Variants in NSDHL observed in about 807,000 individuals in gnomAD.
NSDHL encodes the protein NAD(P) dependent 3-beta-hydroxysteroid dehydrogenase NSDHL, also known as sterol-4-alpha-carboxylate 3-dehydrogenase, decarboxylating.
In NSDHL, 1 loss-of-function variant was observed where a neutral mutation model predicts 23.0. That is an observed-to-expected ratio of 0.04 (90% CI 0.02 to 0.21). NSDHL has a LOEUF of 0.21. Among genes scored for constraint, NSDHL ranks in the 10% least tolerant of loss-of-function variants. The pLI, the probability that NSDHL is intolerant of heterozygous loss-of-function variation, is 1.00. For synonymous variants in NSDHL, 128 were observed against 121.1 expected (o/e 1.06, Z -0.37); for missense variants, 237 against 300.9 (o/e 0.79, Z 1.57).
Position 152,867,393 on chromosome X carries a change from G to A in NSDHL, c.687-178G>A, listed in dbSNP as rs185829755. 5.4e-4 allele frequency among the ~76,000 whole-genome samples: 61 copies of A among 112,234 alleles called. 1 individual carries two copies. In the East Asian group the frequency reaches 0.015, roughly 28 times the overall value. On this transcript the variant is annotated intron_variant, in intron 6 of 7. Transcript: ENST00000370274. The stretch of plus-strand genomic sequence containing the variant: ...CTAACCCTGAAGACCCAGGAGTCCC[G>A]GCCCAGTGTACATCTTTAACCAGTA...
intron 3 of NSDHL, 101 bp from the exon 4 acceptor site, chrX:152,858,664 TATAAG>T: frequency 3.1e-6 from 2 of 640,926 alleles, no homozygotes; most frequent in Non-Finnish European, 2.6e-6. Flanking sequence ...ATTATAGAAT[TATAAG>T]ACAAGGAACC....
intron 1 of NSDHL, among the ~76,000 whole-genome samples, chrX:152,841,016 G>T (rs1268234260): frequency 8.9e-6 from 1 of 112,807 alleles, no homozygotes; most frequent in Non-Finnish European, 1.9e-5. Flanking sequence ...AGCAATGGCG[G>T]ACGCCCCTCC....
At chrX:152,865,730 C>T (rs782238762) in intron 5 of NSDHL, 89 bp from the exon 6 acceptor site, 219 of 1,085,016 alleles carry the variant, frequency 2.0e-4, no homozygotes, top group African/African-American at 3.8e-4. Context: ...CTGTCCCCCA[C>T]GAGTGGTGCT....
At chrX:152,860,844 T>C (rs149239419) in intron 4 of NSDHL, among the ~76,000 whole-genome samples, 1,625 of 112,643 alleles carry the variant, frequency 0.014, 22 homozygotes, top group African/African-American at 0.049. Flanking sequence ...TGCTCTCTTC[T>C]TGTAGCCATG....
chrX:152,854,844 A>AC (rs782087073), intron 3 of NSDHL, among the ~76,000 whole-genome samples: 1,309 of 105,666 alleles, frequency 0.012, 16 homozygotes, highest in African/African-American at 0.042. Context: ...ACATAACAAG[A>AC]CCCCCCCCAT....
chrX:152,864,885 C>G (rs1203061170), intron 5 of NSDHL, among the ~76,000 whole-genome samples: 8 of 111,705 alleles, frequency 7.2e-5, no homozygotes, highest in African/African-American at 2.6e-4. Flanking sequence ...GGGGCCAAAA[C>G]ATAGACCAGC....
intron 6 of NSDHL, among the ~76,000 whole-genome samples, chrX:152,866,618 CCATCCTTAGCATTCTGTGCTTGGAGAGG>C (rs368008684): frequency 0.054 from 6,065 of 112,755 alleles, 130 homozygotes; most frequent in South Asian, 0.12. Flanking sequence ...TGGCTTCCAG[CCATCCTTAGCATTCTGTGCTTGGAGAGG>C]CATCACTCCT....
At chrX:152,833,924 C>G (rs1367300052) in intron 1 of NSDHL, among the ~76,000 whole-genome samples, 1 of 112,615 alleles carries the variant, frequency 8.9e-6, no homozygotes, top group African/African-American at 3.2e-5. Context: ...TGAGGTGACA[C>G]CTGGGGGTTC....
chrX:152,851,004 A>G (rs1556846216), intron 3 of NSDHL, among the ~76,000 whole-genome samples: 1 of 112,174 alleles, frequency 8.9e-6, no homozygotes, highest in East Asian at 2.8e-4. Context: ...GACATTTCAT[A>G]TAAATGGAAT....
chrX:152,865,758 C>T, intron 5 of NSDHL, 61 bp from the exon 6 acceptor site: 1 of 1,195,237 alleles, frequency 8.4e-7, no homozygotes, highest in Non-Finnish European at 1.1e-6. Flanking sequence ...CAGCGAGGCA[C>T]TCTCTTGGCT....
At chrX:152,856,313 A>ATGTAACT (rs1345109946) in intron 3 of NSDHL, among the ~76,000 whole-genome samples, 5 of 112,526 alleles carry the variant, frequency 4.4e-5, no homozygotes, top group African/African-American at 6.5e-5. Context: ...GAAAAAAGGA[A>ATGTAACT]TGTAACTGTC....
At position 152,846,374 on chromosome X, in the gene NSDHL, A is replaced by G. The variant is rs1556845570; in HGVS notation, c.50A>G (p.His17Arg). 2 of 1,211,682 alleles carry G rather than the reference A, an allele frequency of 1.7e-6. No individual in the cohort carries two copies. The highest frequency in any genetic ancestry group is 2.2e-6 in the Non-Finnish European group (2 of 895,004). Residue 17 changes from histidine to arginine, a missense_variant, in exon 2 of 8, where the codon CAT becomes CGT. Physicochemically the swap from His to Arg is conservative, Grantham distance 29. Transcript: ENST00000370274. Reference sequence around the variant, plus strand: ...ATGAGAGACCAAGTCGCACGGACTCATTTGACAGAGGACACTCCCAAAGTG... The same window carrying G: ...ATGAGAGACCAAGTCGCACGGACTCGTTTGACAGAGGACACTCCCAAAGTG... ...EPMRDQVARTHLTEDTPKVNA... is the reference protein window; with the variant it reads ...EPMRDQVARTRLTEDTPKVNA...
rs782783243 is a variant in NSDHL at position 152,861,970 on chromosome X, C to T, written c.415-626C>T. On this transcript the variant is annotated intron_variant, in intron 4 of 7. Coordinates refer to ENST00000370274, the MANE Select transcript of NSDHL (RefSeq NM_015922.3). ...TAAATTCGTGTTTATCTTACCCTAC[C>T]ACTCTGGCTAGAGCTTCTCATACAA... Among the ~76,000 whole-genome samples the T allele has an allele frequency of 7.1e-5, 8 of 112,337 alleles. No individual in the cohort carries two copies. In the East Asian group the frequency reaches 2.2e-3, roughly 31 times the overall value.
chrX:152,858,111 C>T (rs1933470588), intron 3 of NSDHL, among the ~76,000 whole-genome samples: 2 of 111,359 alleles, frequency 1.8e-5, no homozygotes, highest in African/African-American at 6.5e-5. Context: ...TCAAGCTGTC[C>T]CTTCTTTGCC....
At chrX:152,841,179 G>A (rs1336472309) in intron 1 of NSDHL, among the ~76,000 whole-genome samples, 2 of 112,587 alleles carry the variant, frequency 1.8e-5, no homozygotes, top group Admixed American at 9.3e-5. Context: ...GTATTTGAGC[G>A]GGAGTGTCCC....
At chrX:152,835,204 A>G (rs1423417714) in intron 1 of NSDHL, among the ~76,000 whole-genome samples, 3 of 111,253 alleles carry the variant, frequency 2.7e-5, no homozygotes, top group Non-Finnish European at 5.7e-5. Flanking sequence ...CTCTAGGAGC[A>G]AACGTAAGGC....
chrX:152,859,291 A>G (rs909053809), intron 4 of NSDHL, among the ~76,000 whole-genome samples: 1 of 111,759 alleles, frequency 8.9e-6, no homozygotes, highest in East Asian at 2.8e-4. Context: ...TACACTCACA[A>G]TGTTGTATAG....
chrX:152,865,752 G>A lies in NSDHL; in HGVS notation c.544-67G>A, dbSNP rs1198976835. On this transcript the variant is annotated intron_variant, in intron 5 of 7. Coordinates refer to ENST00000370274, the MANE Select transcript of NSDHL (RefSeq NM_015922.3). ...CCACGAGTGGTGCTTCTCACCCAGC[G>A]AGGCACTCTCTTGGCTTGGGCCTAG... 1.4e-5 allele frequency: 16 copies of A among 1,174,831 alleles called. No homozygotes were observed. The African/African-American group carries it at 1.4e-4, about 10-fold the overall frequency.
At chrX:152,853,032 T>C (rs1321127936) in intron 3 of NSDHL, among the ~76,000 whole-genome samples, 4 of 110,218 alleles carry the variant, frequency 3.6e-5, no homozygotes, top group African/African-American at 1.3e-4. Flanking sequence ...GTTTAGACAG[T>C]GTCACAGTGA....
Sources: gnomAD v4.1 joint callset for allele counts (sites outside exome capture counted in the v4.1 genomes callset) on GRCh38, gnomAD v4.1.1 for gene constraint, MANE v1.5 for transcripts, NCBI Gene and HGNC (gene_info 2026-07-23, HGNC 2026-07-21) for gene names.